Variants in NFIA observed in about 807,000 individuals in gnomAD.
NFIA encodes nuclear factor 1 A-type.
In NFIA, 8 loss-of-function variants were observed where a neutral mutation model predicts 62.8. That is an observed-to-expected ratio of 0.13 (90% CI 0.07 to 0.23). The LOEUF is 0.23. Among genes scored for constraint, NFIA ranks in the 10% least tolerant of loss-of-function variants. NFIA has a pLI of 1.00. For missense variants in NFIA, 410 were observed against 642.1 expected, an observed-to-expected ratio of 0.64 and a Z score of 3.91; for synonymous variants, 235 against 238.1, an observed-to-expected ratio of 0.99 and a Z score of 0.12.
intron 2 of NFIA, among the ~76,000 whole-genome samples, chr1:61,180,287 G>T (rs1458054878): frequency 1.3e-5 from 2 of 152,132 alleles, no homozygotes; most frequent in Non-Finnish European, 2.9e-5. Flanking sequence ...AGGCAAAGAC[G>T]CCGTAAGGAG....
chr1:61,279,400 TA>T (rs199881233), intron 3 of NFIA, among the ~76,000 whole-genome samples: 7,845 of 142,946 alleles, frequency 0.055, 514 homozygotes, highest in African/African-American at 0.16. Context: ...AGCAGGCAGT[TA>T]AAAAAAAAAA....
chr1:61,455,186 GCGAATCCCTCC>G, intron 10 of NFIA, 106 bp from the exon 11 acceptor site: 1 of 980,410 alleles, frequency 1.0e-6, no homozygotes, highest in Non-Finnish European at 1.6e-6. Context: ...ACTTTTCCCA[GCGAATCCCTCC>G]CGCATCCCTA....
intron 2 of NFIA, among the ~76,000 whole-genome samples, chr1:61,193,653 A>G (rs78157969): frequency 0.011 from 1,672 of 152,334 alleles, 25 homozygotes; most frequent in African/African-American, 0.038. Flanking sequence ...GTTGTCAGGT[A>G]TATTTTGCTT....
intron 2 of NFIA, among the ~76,000 whole-genome samples, chr1:61,157,381 A>G (rs2100530528): frequency 6.6e-6 from 1 of 152,288 alleles, no homozygotes; most frequent in Non-Finnish European, 1.5e-5. Flanking sequence ...ACAGTTCAAC[A>G]CACTCGAATG....
chr1:61,182,688 CA>C (rs1027278430), intron 2 of NFIA, among the ~76,000 whole-genome samples: 1 of 152,068 alleles, frequency 6.6e-6, no homozygotes, highest in African/African-American at 2.4e-5. Context: ...TCCATAATAT[CA>C]AAAAAATTAC....
At chr1:61,400,474 T>C (rs1665496228) in intron 7 of NFIA, among the ~76,000 whole-genome samples, 1 of 152,252 alleles carries the variant, frequency 6.6e-6, no homozygotes, top group African/African-American at 2.4e-5. Context: ...TAGTGTCTTT[T>C]AATACACAAA....
At chr1:61,083,283 C>T (rs1178802615) in intron 1 of NFIA, among the ~76,000 whole-genome samples, 2 of 152,132 alleles carry the variant, frequency 1.3e-5, no homozygotes. Flanking sequence ...CACCGCTCAC[C>T]CCGCACGCTC....
chr1:61,312,291 G>A (rs1262711467), intron 3 of NFIA, among the ~76,000 whole-genome samples: 2 of 152,240 alleles, frequency 1.3e-5, no homozygotes, highest in African/African-American at 4.8e-5. Context: ...TTTTGTCCAT[G>A]TGAAACCTTT....
chr1:61,215,432 A>G (rs2100609119), intron 2 of NFIA, among the ~76,000 whole-genome samples: 1 of 152,240 alleles, frequency 6.6e-6, no homozygotes, highest in Admixed American at 6.5e-5. Context: ...TTACTTTATT[A>G]GGAGATATTA....
intron 7 of NFIA, among the ~76,000 whole-genome samples, chr1:61,383,694 ATG>A (rs142509081): frequency 5.9e-5 from 9 of 152,132 alleles, no homozygotes; most frequent in South Asian, 2.1e-4. Flanking sequence ...GAGAGACAGA[ATG>A]TGTGTGTGTG....
Position 61,104,963 on chromosome 1 carries a change from T to A in NFIA, c.559+16283T>A, listed in dbSNP as rs539273053. 2.6e-5 allele frequency among the ~76,000 whole-genome samples: 4 copies of A among 152,052 alleles called. No homozygotes were observed. In the East Asian group the frequency reaches 5.8e-4, roughly 22 times the overall value. The stretch of plus-strand genomic sequence containing the variant: ...GGGAATGAAAAATAGAATGGATTTT[T>A]AAAAAAACTTACATTCTAATTAGGT... On this transcript the variant is annotated intron_variant, in intron 2 of 10. Transcript: ENST00000403491.
intron 2 of NFIA, among the ~76,000 whole-genome samples, chr1:61,191,134 A>G (rs1377000715): frequency 6.6e-6 from 1 of 151,898 alleles, no homozygotes; most frequent in African/African-American, 2.4e-5. Flanking sequence ...GCTTAGCTAC[A>G]TTAATCTGTT....
chr1:61,109,522 T>G (rs1646660508), intron 2 of NFIA, among the ~76,000 whole-genome samples: 2 of 151,850 alleles, frequency 1.3e-5, no homozygotes, highest in South Asian at 4.1e-4. Flanking sequence ...TTTATTTTAT[T>G]TAGAAAATAT....
At chr1:61,291,336 A>G (rs1658868744) in intron 3 of NFIA, among the ~76,000 whole-genome samples, 1 of 152,164 alleles carries the variant, frequency 6.6e-6, no homozygotes, top group Non-Finnish European at 1.5e-5. Context: ...TCTGTATGTA[A>G]ATTGACTAGG....
chr1:61,150,310 C>T (rs1648307339), intron 2 of NFIA, among the ~76,000 whole-genome samples: 1 of 152,154 alleles, frequency 6.6e-6, no homozygotes, highest in Admixed American at 6.5e-5. Flanking sequence ...GTTTTCTTCC[C>T]AGGCAAGTGC....
At chr1:61,102,816 A>G (rs1429249802) in intron 2 of NFIA, among the ~76,000 whole-genome samples, 1 of 152,148 alleles carries the variant, frequency 6.6e-6, no homozygotes, top group Non-Finnish European at 1.5e-5. Flanking sequence ...ATTTGGAATT[A>G]ATCTCCAATT....
At position 61,143,678 on chromosome 1, in the gene NFIA, A is replaced by C. The variant is rs1411633688; in HGVS notation, c.559+54998A>C. On this transcript the variant is annotated intron_variant, in intron 2 of 10. Transcript: ENST00000403491. ...AGTGCTAGGATTACAGGCATGAGCC[A>C]CTGTGCCTTGCCTTCATATGTTATT... is the stretch of plus-strand genomic sequence containing the variant. Among the ~76,000 whole-genome samples the C allele has an allele frequency of 2.0e-5, 3 of 152,310 alleles. No individual in the cohort carries two copies. The East Asian group carries it at 5.8e-4, about 29-fold the overall frequency.
At chr1:61,300,888 T>C (rs986664591) in intron 3 of NFIA, among the ~76,000 whole-genome samples, 4 of 151,862 alleles carry the variant, frequency 2.6e-5, no homozygotes, top group African/African-American at 7.3e-5. Flanking sequence ...AAAATGAGAA[T>C]TAGGAAATAC....
intron 3 of NFIA, among the ~76,000 whole-genome samples, chr1:61,307,573 G>A (rs1299667654): frequency 6.6e-6 from 1 of 152,178 alleles, no homozygotes; most frequent in Non-Finnish European, 1.5e-5. Flanking sequence ...TAAGTGTGTC[G>A]AGTGATCCAT....
Sources: gnomAD v4.1 joint callset for allele counts (sites outside exome capture counted in the v4.1 genomes callset) on GRCh38, gnomAD v4.1.1 for gene constraint, MANE v1.5 for transcripts, NCBI Gene and HGNC (gene_info 2026-07-23, HGNC 2026-07-21) for gene names.